Variants in RTN3 observed in about 807,000 individuals in gnomAD.
RTN3 encodes the protein reticulon 3.
RTN3 carries 49 observed loss-of-function variants against 77.8 expected under a neutral mutation model. The observed-to-expected ratio is 0.63, with a 90% CI of 0.50 to 0.80. The LOEUF is 0.80. Among genes scored for constraint, RTN3 ranks in the 30% least tolerant of loss-of-function variants. RTN3 has a pLI of 0.00. For synonymous variants in RTN3, 464 were observed against 446.9 expected, an observed-to-expected ratio of 1.04 and a Z score of -0.48; for missense variants, 1,236 against 1,211.9, an observed-to-expected ratio of 1.02 and a Z score of -0.29.
At chr11:63,739,758 A>G (rs1210313823) in intron 3 of RTN3, among the ~76,000 whole-genome samples, 1 of 152,234 alleles carries the variant, frequency 6.6e-6, no homozygotes, top group Non-Finnish European at 1.5e-5. Context: ...CATAGAAGGT[A>G]AATTTAAGAC....
chr11:63,689,201 A>G (rs932035115), intron 1 of RTN3, among the ~76,000 whole-genome samples: 2 of 152,206 alleles, frequency 1.3e-5, no homozygotes, highest in African/African-American at 4.8e-5. Context: ...ATTTTGGTAT[A>G]TGTGCTGCTG....
At chr11:63,716,998 AAAG>A (rs1226897707) in intron 2 of RTN3, among the ~76,000 whole-genome samples, 1 of 138,414 alleles carries the variant, frequency 7.2e-6, no homozygotes, top group Non-Finnish European at 1.6e-5. Flanking sequence ...AAAAAAAAGA[AAAG>A]AAAGTTTAAA....
chr11:63,722,410 T>C lies in RTN3; in HGVS notation c.2530+1378T>C, dbSNP rs185841367. ...TTTAAGTTTTAATATTTAAAATAGATAAATTGTACTTAACCTTACAATGGT... is the reference window on the plus strand; with the variant it reads ...TTTAAGTTTTAATATTTAAAATAGACAAATTGTACTTAACCTTACAATGGT... On this transcript the variant is annotated intron_variant, in intron 3 of 8. Coordinates refer to ENST00000377819, the MANE Select transcript of RTN3 (RefSeq NM_001265589.2). 1.8e-4 allele frequency among the ~76,000 whole-genome samples: 28 copies of C among 152,326 alleles called. No individual in the cohort carries two copies. The East Asian group carries it at 5.2e-3, about 28-fold the overall frequency.
At chr11:63,693,824 A>G (rs891146425) in intron 1 of RTN3, among the ~76,000 whole-genome samples, 2 of 152,164 alleles carry the variant, frequency 1.3e-5, no homozygotes, top group African/African-American at 4.8e-5. Context: ...ATTCTGGCAT[A>G]TTAGAAAGAG....
chr11:63,746,899 T>G, intron 3 of RTN3: 1 of 446,584 alleles, frequency 2.2e-6, no homozygotes, highest in Non-Finnish European at 4.5e-6. Flanking sequence ...TTAAATTTTG[T>G]CAGTTGTACC....
At position 63,720,619 on chromosome 11, in the gene RTN3, T is replaced by A. The variant is rs1013173070; in HGVS notation, c.2117T>A (p.Ile706Asn). The A allele has an allele frequency of 6.2e-7, 1 of 1,613,838 alleles. No individual in the cohort carries two copies. Among genetic ancestry groups the A allele is most frequent in the East Asian group, 2.2e-5 (1 of 44,876 alleles). The change falls in exon 3 of 9, where the codon ATT becomes AAT. Residue 706 changes from isoleucine (I) to asparagine (N), a missense_variant. Ile to Asn is a moderately radical substitution (Grantham distance 149). Transcript: ENST00000377819. ...TCCGGTGGTTCTGAAATTAAAGACA[T>A]TGGAAGCAAATACAGTGAACAAAGC... is the stretch of plus-strand genomic sequence containing the variant. ...NESGGSEIKD[I>N]GSKYSEQSKE...
Position 63,697,839 on chromosome 11 carries a change from GT to G in RTN3, c.143-7009del, listed in dbSNP as rs1942044123. 4.6e-5 allele frequency among the ~76,000 whole-genome samples: 7 copies of G among 151,984 alleles called. No homozygotes were observed. The South Asian group carries it at 1.4e-3, about 31-fold the overall frequency. On this transcript the variant is annotated intron_variant, in intron 1 of 8. Coordinates refer to ENST00000377819, the MANE Select transcript of RTN3 (RefSeq NM_001265589.2). ...TGTGGGCTTTGTTCCAGAAAAAATT[GT>G]TTCTTTTTTATGTATTTTCAGACTT...
chr11:63,697,349 A>G (rs1187028061), intron 1 of RTN3, among the ~76,000 whole-genome samples: 1 of 151,350 alleles, frequency 6.6e-6, no homozygotes, highest in Non-Finnish European at 1.5e-5. Flanking sequence ...TCTGTCGCCC[A>G]GGCTGGGGTG....
intron 1 of RTN3, among the ~76,000 whole-genome samples, chr11:63,686,319 A>G (rs571803857): frequency 2.0e-5 from 3 of 152,060 alleles, no homozygotes; most frequent in African/African-American, 7.2e-5. Flanking sequence ...AAATACAAAA[A>G]ATTAGCCGGG....
At chr11:63,722,096 G>A (rs2011858826) in intron 3 of RTN3, among the ~76,000 whole-genome samples, 1 of 151,878 alleles carries the variant, frequency 6.6e-6, no homozygotes, top group Non-Finnish European at 1.5e-5. Context: ...TGGGATCTTG[G>A]AAAGTACAAG....
intron 2 of RTN3, among the ~76,000 whole-genome samples, chr11:63,715,935 T>C (rs1327421909): frequency 6.6e-6 from 1 of 152,244 alleles, no homozygotes; most frequent in African/African-American, 2.4e-5. Flanking sequence ...CTGGGCTTCA[T>C]TTCTGTTATG....
intron 1 of RTN3, among the ~76,000 whole-genome samples, chr11:63,684,474 G>C (rs1941260489): frequency 6.6e-6 from 1 of 151,848 alleles, no homozygotes; most frequent in Admixed American, 6.6e-5. Flanking sequence ...TATATCTTTG[G>C]TAGAGATGGG....
chr11:63,700,080 AG>A (rs1201001741), intron 1 of RTN3, among the ~76,000 whole-genome samples: 1 of 152,070 alleles, frequency 6.6e-6, no homozygotes, highest in Non-Finnish European at 1.5e-5. Flanking sequence ...TTCCATTAGG[AG>A]GGAGTGGTGT....
chr11:63,733,751 G>T (rs115680232), intron 3 of RTN3, among the ~76,000 whole-genome samples: 3,984 of 150,698 alleles, frequency 0.026, 179 homozygotes, highest in African/African-American at 0.092. Flanking sequence ...GCGTGGTGGC[G>T]GTGGTGGTGT....
At chr11:63,735,280 A>T (rs1478277130) in intron 3 of RTN3, among the ~76,000 whole-genome samples, 1 of 152,262 alleles carries the variant, frequency 6.6e-6, no homozygotes, top group East Asian at 1.9e-4. Flanking sequence ...TGTGAGCCAC[A>T]ATGCCCGACC....
chr11:63,704,524 A>C (rs1942401372), intron 1 of RTN3, among the ~76,000 whole-genome samples: 1 of 152,014 alleles, frequency 6.6e-6, no homozygotes, highest in African/African-American at 2.4e-5. Context: ...CTTCCCACAC[A>C]GAGTAGCAGA....
chr11:63,709,809 A>G (rs766065786), intron 2 of RTN3, among the ~76,000 whole-genome samples: 2 of 152,208 alleles, frequency 1.3e-5, no homozygotes, highest in Non-Finnish European at 2.9e-5. Flanking sequence ...ATGAATATGC[A>G]TAGTATGGAT....
At chr11:63,688,676 T>A (rs1590775109) in intron 1 of RTN3, among the ~76,000 whole-genome samples, 1 of 152,194 alleles carries the variant, frequency 6.6e-6, no homozygotes, top group African/African-American at 2.4e-5. Context: ...AAGTGGCTGG[T>A]AAGAACCTCA....
At chr11:63,738,411 G>C (rs1251774686) in intron 3 of RTN3, among the ~76,000 whole-genome samples, 8 of 152,042 alleles carry the variant, frequency 5.3e-5, no homozygotes, top group Non-Finnish European at 8.8e-5. Flanking sequence ...AGGCCAAGGA[G>C]GGCAGATTGC....
Sources: gnomAD v4.1 joint callset for allele counts (sites outside exome capture counted in the v4.1 genomes callset) on GRCh38, gnomAD v4.1.1 for gene constraint, MANE v1.5 for transcripts, NCBI Gene and HGNC (gene_info 2026-07-23, HGNC 2026-07-21) for gene names.